YBX3: variants seen among roughly 807,000 people sequenced by gnomAD.
YBX3 encodes the protein Y-box-binding protein 3.
A neutral mutation model predicts 42.4 loss-of-function variants in YBX3; 29 were observed. That is an observed-to-expected ratio of 0.68 (90% confidence interval 0.51 to 0.93). The LOEUF (loss-of-function observed/expected upper bound fraction) is 0.93. Ranked by LOEUF, YBX3 falls within the 40% of genes least tolerant of loss-of-function variation. YBX3 has a pLI of 0.00. For missense variants in YBX3, 517 were observed against 527.5 expected (o/e 0.98, Z 0.19); for synonymous variants, 195 against 189.8 (o/e 1.03, Z -0.22).
At chr12:10,710,686 G>A (rs1278288355) in intron 5 of YBX3, 2 of 780,618 alleles carry the variant, frequency 2.6e-6, no homozygotes, top group East Asian at 1.3e-4. Flanking sequence ...AGTATATGGT[G>A]GGGTCTCCCA....
chr12:10,711,098 T>C (rs1175494529), intron 5 of YBX3: 1 of 152,072 alleles, frequency 6.6e-6, no homozygotes, highest in Non-Finnish European at 1.5e-5. Context: ...TCCTGGAGGT[T>C]TCTAAATAAT....
At chr12:10,717,979 A>C (rs1441080079) in intron 3 of YBX3, 109 bp downstream of exon 3, 11 of 882,506 alleles carry the variant, frequency 1.2e-5, no homozygotes, top group Non-Finnish European at 1.7e-5. Context: ...TCACAGAAAG[A>C]GTTTAGATTA....
intron 5 of YBX3, 150 bp downstream of exon 5, chr12:10,713,061 G>C: frequency 9.2e-7 from 1 of 1,090,066 alleles, no homozygotes; most frequent in Non-Finnish European, 1.3e-6. Context: ...TAAAAAATAA[G>C]ATAAAAATTT....
At chr12:10,722,729 C>A in intron 1 of YBX3, 121 bp downstream of exon 1, 1 of 935,738 alleles carries the variant, frequency 1.1e-6, no homozygotes, top group Non-Finnish European at 1.4e-6. Flanking sequence ...TCCCTGGGGA[C>A]CCTGTGCTGT....
rs750014171 is a variant in YBX3, at chr12:10,710,059, G to C, written c.629C>G (p.Pro210Arg). The stretch of plus-strand genomic sequence containing the variant: ...CCCAGAGAACTGCCTATCAGTGGCA[G>C]GGGGGTCAAATCCTTCACTGCTGCC... The part of the protein sequence containing the change: ...GSGSSEGFDP[P>R]ATDRQFSGAR... The change falls in exon 6 of 10, where the codon CCT becomes CGT. Residue 210 changes from proline (P) to arginine (R), a missense_variant. By Grantham distance (103) the Pro-to-Arg change is moderately radical. Coordinates refer to ENST00000228251, the MANE Select transcript of YBX3 (RefSeq NM_003651.5). The C allele has an allele frequency of 1.2e-5, 20 of 1,614,018 alleles. No individual in the cohort carries two copies. The highest frequency in any genetic ancestry group is 1.7e-5 in the Non-Finnish European group (20 of 1,179,948).
intron 5 of YBX3, chr12:10,711,749 T>A (rs996290414): frequency 1.3e-5 from 2 of 152,242 alleles, no homozygotes; most frequent in Non-Finnish European, 2.9e-5. Context: ...CAATTTTGTT[T>A]CTTAAGCGTT....
At chr12:10,709,853 A>G (rs1347049616) in intron 6 of YBX3, 55 bp downstream of exon 6, 17 of 1,597,524 alleles carry the variant, frequency 1.1e-5, no homozygotes, top group Non-Finnish European at 1.5e-5. Flanking sequence ...AAGAGGAGGC[A>G]GAGAAGGACG....
At chr12:10,716,275 C>A in intron 3 of YBX3, 1 of 162,440 alleles carries the variant, frequency 6.2e-6, no homozygotes. Context: ...CCCTCTCCTC[C>A]CATTTTGCAG....
At chr12:10,708,124 T>C (rs954303196) in intron 6 of YBX3, among the ~76,000 whole-genome samples, 2 of 152,200 alleles carry the variant, frequency 1.3e-5, no homozygotes, top group Non-Finnish European at 2.9e-5. Flanking sequence ...TGCCACAATG[T>C]TGCTCCCTTC....
intron 7 of YBX3, chr12:10,703,082 C>CT (rs1340018355): frequency 6.6e-6 from 1 of 152,056 alleles, no homozygotes; most frequent in Admixed American, 6.6e-5. Flanking sequence ...TCTATGCCGT[C>CT]TCTTTTATTT....
At chr12:10,712,406 G>C (rs878904318) in intron 5 of YBX3, 4 of 152,174 alleles carry the variant, frequency 2.6e-5, no homozygotes, top group Admixed American at 2.0e-4. Flanking sequence ...AGCCAGATTT[G>C]TGACAAACTC....
Position 10,704,097 on chromosome 12 carries a change from G to C in YBX3, c.832C>G (p.Gln278Glu). ...GTTGGATTTCGATGAACCGGTCCCT[G>C]AAGTTGTGCTCCCTCTGGGACTCCA... Reference protein sequence around the residue: ...KDGVPEGAQLQGPVHRNPTYR... With the variant: ...KDGVPEGAQLEGPVHRNPTYR... Residue 278 changes from glutamine to glutamate, a missense_variant, in exon 7 of 10, where the codon CAG (glutamine) becomes GAG (glutamate). This residue lies in a region of YBX3 where 420 missense variants were observed against 408.5 expected (regional missense o/e 1.03). Transcript: ENST00000228251. The C allele has an allele frequency of 6.2e-7, 1 of 1,614,202 alleles. No individual in the cohort carries two copies. The highest frequency in any genetic ancestry group is 8.5e-7 in the Non-Finnish European group (1 of 1,180,046).
intron 5 of YBX3, chr12:10,710,519 TATG>T: frequency 8.5e-7 from 1 of 1,182,426 alleles, no homozygotes; most frequent in South Asian, 1.6e-5. Flanking sequence ...GAATACATTT[TATG>T]ATGTTACCAA....
chr12:10,718,304 C>G (rs112952981), intron 2 of YBX3, 183 bp from the exon 3 acceptor site: 1 of 453,608 alleles, frequency 2.2e-6, no homozygotes, highest in Non-Finnish European at 4.0e-6. Context: ...ACAGGCCACC[C>G]ACCTTCCTCC....
At chr12:10,715,878 C>T in intron 3 of YBX3, 95 bp from the exon 4 acceptor site, 1 of 1,018,846 alleles carries the variant, frequency 9.8e-7, no homozygotes, top group South Asian at 1.4e-5. Context: ...CTTGAAGAAA[C>T]TGTTGACCGA....
chr12:10,714,817 T>A (rs999187857), intron 4 of YBX3, among the ~76,000 whole-genome samples: 2 of 152,104 alleles, frequency 1.3e-5, no homozygotes, highest in East Asian at 3.9e-4. Flanking sequence ...TGGAGTGCAA[T>A]GTCTCAGTTC....
In YBX3 at chr12:10,723,178, TGGTC is replaced by T. The variant is rs1948355859; in HGVS notation, c.-71_-68del. ...GTTGGTCGGCGGTTAGCGCGGCTGG[TGGTC>T]GCGGCGGCCGGGGCTCGCTCTCGGG... On this transcript the variant is annotated 5_prime_UTR_variant, in exon 1 of 10. Coordinates refer to ENST00000228251, the MANE Select transcript of YBX3 (RefSeq NM_003651.5). 1 of 1,181,060 alleles carries T rather than the reference TGGTC, an allele frequency of 8.5e-7. No individual in the cohort carries two copies. The allele number at this position is 1,181,060 out of a possible 1,614,324, so 73.2% of individuals were successfully genotyped here.
Position 10,701,130 on chromosome 12 carries a change from T to C in YBX3, c.*34+124A>G, listed in dbSNP as rs185624594. ...AATCACTTTTTCCACAGAGTCCCAA[T>C]AGAGACAAGGGGTTGGCACAGATGA... On this transcript the variant is annotated intron_variant, in intron 9 of 9. Transcript: ENST00000228251. 2.2e-4 allele frequency: 136 copies of C among 612,948 alleles called. No homozygotes were observed. In the African/African-American group the frequency reaches 2.3e-3, roughly 10 times the overall value. The allele number at this position is 612,948 out of a possible 1,614,324, so 38.0% of individuals were successfully genotyped here.
chr12:10,718,127 G>T lies in YBX3; in HGVS notation c.327-6C>A, dbSNP rs555205603. On this transcript the variant is annotated splice_region_variant and splice_polypyrimidine_tract_variant and intron_variant, in intron 2 of 9. Coordinates refer to ENST00000228251, the MANE Select transcript of YBX3 (RefSeq NM_003651.5). ...CATCTTCTTTGGTGTCATTTCTGTT[G>T]AAAGACAAAAAGCTCACAATTAAAG... 71 of 1,611,338 alleles carry T rather than the reference G, an allele frequency of 4.4e-5. 1 individual carries two copies. In the South Asian group the frequency reaches 7.1e-4, roughly 16 times the overall value.
Sources: gnomAD v4.1 joint callset for allele counts (sites outside exome capture counted in the v4.1 genomes callset) on GRCh38, gnomAD v4.1.1 for gene constraint, gnomAD v4.1.1 regional missense constraint, MANE v1.5 for transcripts, NCBI Gene and HGNC (gene_info 2026-07-23, HGNC 2026-07-21) for gene names.